MCF2L: variants seen among roughly 807,000 people sequenced by gnomAD.
The protein encoded by MCF2L is guanine nucleotide exchange factor DBS.
In MCF2L, 97 loss-of-function variants were observed where a neutral mutation model predicts 153.4. The observed-to-expected ratio is 0.63, with a 90% confidence interval of 0.54 to 0.75. The LOEUF is 0.75. Ranked by LOEUF, MCF2L falls within the 30% of genes least tolerant of loss-of-function variation. MCF2L has a pLI of 0.00. For missense variants in MCF2L, 1,347 were observed against 1,495.2 expected, an observed-to-expected ratio of 0.90 and a Z score of 1.64; for synonymous variants, 659 against 632.2, an observed-to-expected ratio of 1.04 and a Z score of -0.64.
At chr13:112,996,723 G>A (rs936145087) in intron 1 of MCF2L, among the ~76,000 whole-genome samples, 1 of 152,208 alleles carries the variant, frequency 6.6e-6, no homozygotes, top group Non-Finnish European at 1.5e-5. Context: ...GCCCAGGATG[G>A]CATCCAGGCT....
At chr13:112,912,553 G>C (rs1474902885) in intron 2 of MCF2L, among the ~76,000 whole-genome samples, 3 of 152,098 alleles carry the variant, frequency 2.0e-5, no homozygotes, top group Non-Finnish European at 4.4e-5. Context: ...CTGACCTCAG[G>C]TGATTCACCC....
In MCF2L at chr13:113,099,652, T is replaced by C. The variant is rs2035841647; in HGVS notation, c.*2793T>C. The C allele has an allele frequency of 6.6e-6, 1 of 152,200 alleles. No homozygotes were observed. The highest frequency in any genetic ancestry group is 2.1e-4 in the South Asian group (1 of 4,830). 9.4% of individuals were successfully genotyped at this position (152,200 alleles called of 1,614,324 possible). ...CAAAATCAAAAGCAAAACTCAAACT[T>C]TGTACCTGAAAAATCTAATAAAACT... On this transcript the variant is annotated 3_prime_UTR_variant, in exon 30 of 30. Coordinates refer to ENST00000535094, the MANE Select transcript of MCF2L (RefSeq NM_001112732.3).
intron 1 of MCF2L, among the ~76,000 whole-genome samples, chr13:112,980,349 C>T (rs1226343636): frequency 2.0e-5 from 3 of 152,268 alleles, no homozygotes; most frequent in Non-Finnish European, 4.4e-5. Flanking sequence ...TCCGCTCCAT[C>T]CTGCCCTTTC....
chr13:112,984,063 C>T (rs2082537949), intron 1 of MCF2L, among the ~76,000 whole-genome samples: 1 of 152,210 alleles, frequency 6.6e-6, no homozygotes, highest in Non-Finnish European at 1.5e-5. Flanking sequence ...TCCATCTCCC[C>T]TCTGTCCTGC....
rs1566896090 is a variant in MCF2L at position 113,097,130 on chromosome 13, T to A, written c.*271T>A. The A allele has an allele frequency of 3.0e-6, 1 of 328,046 alleles. No homozygotes were observed. Among genetic ancestry groups the A allele is most frequent in the East Asian group, 4.9e-5 (1 of 20,502 alleles). 20.3% of individuals were successfully genotyped at this position (328,046 alleles called of 1,614,324 possible). ...GGCGCCGGGCAGCGGCATCTCGTCC[T>A]GGCTCCACCGTGCTGCTTCTGCCTC... On this transcript the variant is annotated 3_prime_UTR_variant, in exon 30 of 30. Coordinates refer to ENST00000535094, the MANE Select transcript of MCF2L (RefSeq NM_001112732.3).
chr13:112,918,646 G>C (rs2081321418), intron 2 of MCF2L, among the ~76,000 whole-genome samples: 2 of 152,236 alleles, frequency 1.3e-5, no homozygotes, highest in Non-Finnish European at 2.9e-5. Context: ...CAGGGGCAGA[G>C]CTGGTGTCTG....
At position 113,089,744 on chromosome 13, in the gene MCF2L, G is replaced by GA; in HGVS notation, c.2953+17dup. The stretch of plus-strand genomic sequence containing the variant: ...AAGGGCAAAGGTGGGTATGTGCAGG[G>GA]ACCGGGCCTCACACGGAGGCCTCAC... On this transcript the variant is annotated intron_variant, in intron 26 of 29. Coordinates refer to ENST00000535094, the MANE Select transcript of MCF2L (RefSeq NM_001112732.3). The GA allele has an allele frequency of 6.2e-7, 1 of 1,608,802 alleles. No homozygotes were observed. The highest frequency in any genetic ancestry group is 1.3e-5 in the African/African-American group (1 of 74,886).
Position 113,050,214 on chromosome 13 carries a change from GTGAGAC to G in MCF2L, c.369+4856_369+4861del, listed in dbSNP as rs1185261174. Among the ~76,000 whole-genome samples, 1,119 of 151,618 alleles carry G rather than the reference GTGAGAC, an allele frequency of 7.4e-3. 11 individuals are homozygous for G. The highest frequency in any genetic ancestry group is 0.026 in the African/African-American group (1,069 of 41,308). ...CGAGCGAGTGGGAGTGTAAGTGAATGTGAGACTGTGTGAGTGTGTGAGTGTGTGCGC... is the reference window on the plus strand; with the variant it reads ...CGAGCGAGTGGGAGTGTAAGTGAATGTGTGTGAGTGTGTGAGTGTGTGCGC... On this transcript the variant is annotated intron_variant, in intron 4 of 29. Coordinates refer to ENST00000535094, the MANE Select transcript of MCF2L (RefSeq NM_001112732.3).
upstream of MCF2L, chr13:112,968,809 C>T: frequency 7.5e-7 from 1 of 1,325,310 alleles, no homozygotes; most frequent in Non-Finnish European, 9.7e-7. Context: ...ACCAGGAGGG[C>T]GTGGAGACCC....
At chr13:112,949,307 C>T (rs1169163425) in intron 2 of MCF2L, among the ~76,000 whole-genome samples, 1 of 152,090 alleles carries the variant, frequency 6.6e-6, no homozygotes, top group Admixed American at 6.5e-5. Context: ...TTCTACCAAA[C>T]ATTTAAAAAA....
At chr13:113,000,546 A>AATCATGGCTGCAAGAAAAGCC (rs1173167281) in intron 1 of MCF2L, among the ~76,000 whole-genome samples, 2 of 152,342 alleles carry the variant, frequency 1.3e-5, no homozygotes, top group East Asian at 3.9e-4. Flanking sequence ...TTGTCAGCGC[A>AATCATGGCTGCAAGAAAAGCC]ATCATGGCTG....
At chr13:113,081,785 TG>T (rs2034158403) in intron 16 of MCF2L, among the ~76,000 whole-genome samples, 1 of 152,186 alleles carries the variant, frequency 6.6e-6, no homozygotes, top group South Asian at 2.1e-4. Context: ...GCACAGGTGG[TG>T]GTCACTTGAG....
chr13:113,078,526 C>A, intron 14 of MCF2L, 90 bp downstream of exon 14: 1 of 1,382,380 alleles, frequency 7.2e-7, no homozygotes, highest in Non-Finnish European at 1.0e-6. Flanking sequence ...CCCTCCCGGG[C>A]ACTGCCCAGC....
rs915889013 is a variant in MCF2L, at chr13:113,083,910, G to C, written c.1992-88G>C. Reference sequence around the variant, plus strand: ...GATTGCCCAGAGCAAGGCGTAACAGGCTTCTGAAAAATGACGTCCATCCAC... The same window carrying C: ...GATTGCCCAGAGCAAGGCGTAACAGCCTTCTGAAAAATGACGTCCATCCAC... On this transcript the variant is annotated intron_variant, in intron 17 of 29. Coordinates refer to ENST00000535094, the MANE Select transcript of MCF2L (RefSeq NM_001112732.3). 38 of 963,090 alleles carry C rather than the reference G, an allele frequency of 3.9e-5. No homozygotes were observed. In the African/African-American group the frequency reaches 5.5e-4, roughly 14 times the overall value. 59.7% of individuals were successfully genotyped at this position (963,090 alleles called of 1,614,324 possible). A position where few individuals can be genotyped will look rare whatever the true frequency, so the allele number is the denominator to read the frequency against.
chr13:112,991,055 G>A (rs2082878193), intron 1 of MCF2L, among the ~76,000 whole-genome samples: 1 of 152,186 alleles, frequency 6.6e-6, no homozygotes, highest in African/African-American at 2.4e-5. Context: ...CTGCACCTGG[G>A]GCTCTGTACC....
chr13:112,922,955 A>G (rs2081367389), intron 2 of MCF2L, among the ~76,000 whole-genome samples: 2 of 152,364 alleles, frequency 1.3e-5, no homozygotes, highest in South Asian at 4.1e-4. Flanking sequence ...ATAGATGTGG[A>G]AAAAGCACTC....
rs770379762 is a variant in MCF2L, at chr13:113,022,887, G to A, written c.164-1757G>A. Among the ~76,000 whole-genome samples the A allele has an allele frequency of 1.2e-4, 18 of 152,340 alleles. No homozygotes were observed. In the East Asian group the frequency reaches 2.1e-3, roughly 18 times the overall value. ...TGAGGAATTTTCCGAGAGGAAGTGC[G>A]AATTAACAATGATGAAAGGTTTGTG... On this transcript the variant is annotated intron_variant, in intron 2 of 29. Coordinates refer to ENST00000535094, the MANE Select transcript of MCF2L (RefSeq NM_001112732.3).
chr13:112,936,611 G>A (rs1367913764), intron 2 of MCF2L, among the ~76,000 whole-genome samples: 2 of 152,102 alleles, frequency 1.3e-5, no homozygotes, highest in South Asian at 2.1e-4. Flanking sequence ...TATTTACCTA[G>A]AACTGCTGGT....
intron 2 of MCF2L, among the ~76,000 whole-genome samples, chr13:112,903,631 G>A (rs1201250876): frequency 2.0e-5 from 3 of 152,182 alleles, no homozygotes; most frequent in Non-Finnish European, 4.4e-5. Flanking sequence ...CTGCGTTTCG[G>A]TATAGTCACC....
Sources: gnomAD v4.1 joint callset for allele counts (sites outside exome capture counted in the v4.1 genomes callset) on GRCh38, gnomAD v4.1.1 for gene constraint, MANE v1.5 for transcripts, NCBI Gene and HGNC (gene_info 2026-07-23, HGNC 2026-07-21) for gene names.